DOP1B: variants seen among roughly 807,000 people sequenced by gnomAD.
DOP1B encodes the protein protein DOP1B.
A neutral mutation model predicts 233.5 loss-of-function variants in DOP1B; 174 were observed. That is an observed-to-expected ratio of 0.75 (90% CI 0.66 to 0.85). The LOEUF is 0.85. DOP1B is among the 40% of genes least tolerant of loss of function. The pLI, the probability that DOP1B is intolerant of heterozygous loss-of-function variation, is 0.00. For synonymous variants in DOP1B, 1,190 were observed against 1,185.6 expected, an observed-to-expected ratio of 1.00 and a Z score of -0.08; for missense variants, 2,652 against 2,846.6, an observed-to-expected ratio of 0.93 and a Z score of 1.56.
chr21:36,210,903 C>T (rs2066488838), intron 5 of DOP1B, among the ~76,000 whole-genome samples: 1 of 152,240 alleles, frequency 6.6e-6, no homozygotes, highest in Admixed American at 6.5e-5. Context: ...CTCCCAGCCA[C>T]AGCACCTCAC....
rs973007846 is a variant in DOP1B, at chr21:36,169,016, A to G, written c.138+4145A>G. On this transcript the variant is annotated intron_variant, in intron 2 of 36. Transcript: ENST00000691173. ...AATTCGGTCTTTCTCGAGTGGTCCC[A>G]TGAATGCTTTCTTCTCCTCCATGGT... 11 of 819,872 alleles carry G rather than the reference A, an allele frequency of 1.3e-5. No individual in the cohort carries two copies. In the Admixed American group the frequency reaches 1.6e-4, roughly 12 times the overall value. The allele number at this position is 819,872 out of a possible 1,614,324, so 50.8% of individuals were successfully genotyped here.
intron 30 of DOP1B, among the ~76,000 whole-genome samples, chr21:36,279,484 G>A (rs571937340): frequency 3.3e-5 from 5 of 152,316 alleles, no homozygotes; most frequent in South Asian, 2.1e-4. Context: ...AAGGCTTAGC[G>A]ATAGAGGGTA....
At position 36,211,616 on chromosome 21, in the gene DOP1B, A is replaced by G. The variant is rs2066499473; in HGVS notation, c.745A>G (p.Ile249Val). 6.2e-7 allele frequency: 1 copy of G among 1,614,014 alleles called. No individual in the cohort carries two copies. The highest frequency in any genetic ancestry group is 1.7e-5 in the Admixed American group (1 of 59,984). ...NVLVQRNNLE[I>V]VLFFFPFYTC... ...TCTTGTGCAAAGAAATAATCTGGAA[A>G]TCGTTCTGTTTTTCTTCCCATTTTA... Residue 249 changes from isoleucine (I) to valine (V), a missense_variant, in exon 6 of 37, where the codon ATC (isoleucine) becomes GTC (valine). Ile to Val is a conservative substitution (Grantham distance 29, BLOSUM62 3). This residue lies in a region of DOP1B where 2,617 missense variants were observed against 2,794.3 expected (regional missense o/e 0.94). Coordinates refer to ENST00000691173, the MANE Select transcript of DOP1B (RefSeq NM_001320714.2).
chr21:36,214,170 T>G lies in DOP1B; in HGVS notation c.994T>G (p.Ser332Ala), dbSNP rs1200129913. 6.2e-7 allele frequency: 1 copy of G among 1,611,470 alleles called. No individual in the cohort carries two copies. The highest frequency in any genetic ancestry group is 8.5e-7 in the Non-Finnish European group (1 of 1,178,520). The part of the protein sequence containing the change: ...DQSSYFFEKY[S>A]KDLLVEGLAE... ...GTCGTCTTATTTTTTTGAAAAATAC[T>G]CCAAGGATCTTTTAGTTGAGGTAAA... Residue 332 changes from serine to alanine, a missense_variant, in exon 8 of 37, where the codon TCC becomes GCC. By Grantham distance (99) the Ser-to-Ala change is moderately conservative. Coordinates refer to ENST00000691173, the MANE Select transcript of DOP1B (RefSeq NM_001320714.2).
chr21:36,220,918 C>T lies in DOP1B; in HGVS notation c.1250+1426C>T, dbSNP rs1002355234. The stretch of plus-strand genomic sequence containing the variant: ...CTTGAACTCCTGGGATCAAGTGATC[C>T]TCACACCTCAGCTTCCCAAGTAGCT... On this transcript the variant is annotated intron_variant, in intron 10 of 36. Coordinates refer to ENST00000691173, the MANE Select transcript of DOP1B (RefSeq NM_001320714.2). 3.3e-5 allele frequency among the ~76,000 whole-genome samples: 5 copies of T among 152,072 alleles called. No homozygotes were observed. In the South Asian group the frequency reaches 1.0e-3, roughly 31 times the overall value.
Position 36,263,649 on chromosome 21 carries a change from AG to A in DOP1B, c.5420+1del. On this transcript the variant is annotated frameshift_variant and splice_region_variant, in exon 25 of 37. Transcript: ENST00000691173. LOFTEE classifies it high-confidence loss of function. The part of the protein sequence containing the change: ...LAPPGYFLLL[S>X]MLNDFVTRTP... ...CCCACCTGGGTATTTTCTGCTTCTC[AG>A]GTATCATGTCACCACATTGTCATTG... is the stretch of plus-strand genomic sequence containing the variant. 6.2e-7 allele frequency: 1 copy of A among 1,613,884 alleles called. No homozygotes were observed. Among genetic ancestry groups the A allele is most frequent in the Non-Finnish European group, 8.5e-7 (1 of 1,179,742 alleles).
rs1395092876 is a variant in DOP1B at position 36,237,528 on chromosome 21, G to A, written c.2775+114G>A. 2.0e-5 allele frequency: 26 copies of A among 1,327,166 alleles called. No individual in the cohort carries two copies. The East Asian group carries it at 4.7e-4, about 24-fold the overall frequency. The allele number at this position is 1,327,166 out of a possible 1,614,324, so 82.2% of individuals were successfully genotyped here. A position where few individuals can be genotyped will look rare whatever the true frequency, so the allele number is the denominator to read the frequency against. Reference sequence around the variant, plus strand: ...GTCTTTCTGGGGCTGAGTGGACATCGTGATTAATAAAATAAGCAGAGGTGT... The same window carrying A: ...GTCTTTCTGGGGCTGAGTGGACATCATGATTAATAAAATAAGCAGAGGTGT... On this transcript the variant is annotated intron_variant, in intron 16 of 36. Transcript: ENST00000691173.
chr21:36,232,893 A>G lies in DOP1B; in HGVS notation c.2440A>G (p.Ile814Val), dbSNP rs756701123. 4 of 1,613,750 alleles carry G rather than the reference A, an allele frequency of 2.5e-6. No individual in the cohort carries two copies. The African/African-American group carries it at 4.0e-5, about 16-fold the overall frequency. The part of the protein sequence containing the change: ...VTDCYLQNVA[I>V]STLLEVINHS... ...TGACTGCTACCTCCAGAACGTGGCC[A>G]TTTCCACTCTGCTGGAAGTGATAAA... The change falls in exon 15 of 37, where the codon ATT (isoleucine) becomes GTT (valine). Residue 814 changes from isoleucine (I) to valine (V), a missense_variant. This residue lies in a region of DOP1B where 2,617 missense variants were observed against 2,794.3 expected (regional missense o/e 0.94). Coordinates refer to ENST00000691173, the MANE Select transcript of DOP1B (RefSeq NM_001320714.2).
chr21:36,214,806 C>T (rs1460296016), intron 9 of DOP1B, among the ~76,000 whole-genome samples: 1 of 152,148 alleles, frequency 6.6e-6, no homozygotes, highest in Non-Finnish European at 1.5e-5. Flanking sequence ...AGGAAGATCA[C>T]TTGAGCTCAT....
At chr21:36,277,208 C>G in intron 28 of DOP1B, 108 bp downstream of exon 28, 3 of 1,055,374 alleles carry the variant, frequency 2.8e-6, no homozygotes, top group Non-Finnish European at 4.2e-6. Flanking sequence ...GCCGCACCCT[C>G]CCAGGTGAGC....
rs182122910 is a variant in DOP1B at position 36,246,486 on chromosome 21, G to A, written c.4506G>A (p.Ala1502=). ...CCTCCCAGGGTCTTCTGGTCTCTGC[G>A]GTGGTGAGGGGTCTGCAGCCCGCCT... The part of the protein sequence containing the change: ...PLTSQGLLVS[A]VVRGLQPAYG... Residue 1502 remains alanine, a synonymous_variant, in exon 19 of 37, where the codon GCG becomes GCA. Transcript: ENST00000691173. This position sits in a 1 kb window ranked among gnomAD's most constrained non-coding sequence, Gnocchi z 5.1. 71 of 1,614,144 alleles carry A rather than the reference G, an allele frequency of 4.4e-5. No homozygotes were observed. The Admixed American group carries it at 5.2e-4, about 12-fold the overall frequency.
intron 24 of DOP1B, chr21:36,261,930 G>T (rs2067176649): frequency 1.0e-6 from 1 of 981,840 alleles, no homozygotes; most frequent in South Asian, 4.7e-5. Flanking sequence ...AAAAAATGGG[G>T]GTGGGAAGGG....
intron 32 of DOP1B, among the ~76,000 whole-genome samples, chr21:36,284,240 G>A (rs1226692608): frequency 1.4e-5 from 2 of 143,404 alleles, no homozygotes; most frequent in African/African-American, 2.6e-5. Flanking sequence ...ATGAGCCACC[G>A]TGGCCAACCA....
intron 1 of DOP1B, among the ~76,000 whole-genome samples, chr21:36,160,477 CTTTTTT>C (rs5843748): frequency 3.3e-5 from 4 of 122,802 alleles, no homozygotes; most frequent in Admixed American, 8.5e-5. Flanking sequence ...TTTAAGTTTT[CTTTTTT>C]TTTTTTTTTT....
chr21:36,217,678 G>T (rs2066576288), intron 9 of DOP1B, among the ~76,000 whole-genome samples: 1 of 152,156 alleles, frequency 6.6e-6, no homozygotes, highest in Non-Finnish European at 1.5e-5. Context: ...CTGCCTCAGG[G>T]TGTCTGCACT....
chr21:36,163,162 C>T (rs940343998), intron 1 of DOP1B, among the ~76,000 whole-genome samples: 2 of 151,690 alleles, frequency 1.3e-5, no homozygotes, highest in African/African-American at 4.8e-5. Context: ...CTGACCAACA[C>T]GTGAAACCCC....
In DOP1B at chr21:36,281,505, A is replaced by G. The variant is rs149665876; in HGVS notation, c.6054A>G (p.Lys2018=). ...DLMNMQSSSL[K]LFSSFEQKAM... is the part of the protein sequence containing the mutation. ...TAGACATGCAGAGCAGTTCTTTGAA[A>G]CTATTCTCAAGTTTTGAACAGAAAG... is the stretch of plus-strand genomic sequence containing the variant. The change falls in exon 32 of 37, where the codon AAA becomes AAG. Residue 2018 remains lysine, a synonymous_variant. Transcript: ENST00000691173. 3.7e-6 allele frequency: 6 copies of G among 1,605,294 alleles called. No homozygotes were observed. In the African/African-American group the frequency reaches 6.7e-5, roughly 18 times the overall value.
At chr21:36,198,808 G>A (rs1240171868) in intron 2 of DOP1B, among the ~76,000 whole-genome samples, 1 of 152,194 alleles carries the variant, frequency 6.6e-6, no homozygotes, top group African/African-American at 2.4e-5. Context: ...GAAGCACACG[G>A]CCCTCACCCA....
chr21:36,264,469 T>C (rs1344183225), intron 26 of DOP1B, among the ~76,000 whole-genome samples: 1 of 151,524 alleles, frequency 6.6e-6, no homozygotes, highest in Non-Finnish European at 1.5e-5. Flanking sequence ...TTTTTTCTTT[T>C]TTTTTTTTTT....
Sources: allele counts gnomAD v4.1 joint callset (sites outside exome capture counted in the v4.1 genomes callset), GRCh38; gene constraint gnomAD v4.1.1; regional missense constraint gnomAD v4.1.1; non-coding constraint Gnocchi (gnomAD v3.1); transcripts MANE v1.5; gene names NCBI Gene and HGNC (gene_info 2026-07-23, HGNC 2026-07-21).